The following TTBK2 variants were observed in gnomAD, a reference collection of about 807,000 sequenced individuals.
TTBK2 encodes tau tubulin kinase 2.
A neutral mutation model predicts 110.8 loss-of-function variants in TTBK2; 28 were observed. The ratio of observed to expected loss-of-function variants is 0.25; its 90% CI spans 0.19 to 0.35. The LOEUF (loss-of-function observed/expected upper bound fraction) is 0.35, where lower values mean the gene tolerates loss of function less well. TTBK2 is among the 10% of genes least tolerant of loss of function. TTBK2 has a pLI of 1.00. For missense variants in TTBK2, 1,369 were observed against 1,500.3 expected, an observed-to-expected ratio of 0.91 and a Z score of 1.45; for synonymous variants, 532 against 527.3, an observed-to-expected ratio of 1.01 and a Z score of -0.12.
chr15:42,807,868 T>C (rs1891541493), intron 9 of TTBK2, among the ~76,000 whole-genome samples: 1 of 152,210 alleles, frequency 6.6e-6, no homozygotes, highest in African/African-American at 2.4e-5. Context: ...AAACATTATT[T>C]ATGCACTTAT....
chr15:42,881,434 G>A (rs1033901716), intron 1 of TTBK2, among the ~76,000 whole-genome samples: 7 of 146,020 alleles, frequency 4.8e-5, no homozygotes, highest in Admixed American at 2.1e-4. Flanking sequence ...ATTTACATAC[G>A]AAAGCACAAT....
chr15:42,909,052 G>A (rs1387313008), intron 1 of TTBK2, among the ~76,000 whole-genome samples: 1 of 152,172 alleles, frequency 6.6e-6, no homozygotes, highest in Non-Finnish European at 1.5e-5. Context: ...TAAAGCTCTA[G>A]GGAGAATTTA....
At position 42,742,003 on chromosome 15, in the gene TTBK2, T is replaced by C. The variant is rs529576612; in HGVS notation, c.*3792A>G. The C allele has an allele frequency of 2.0e-5, 3 of 152,322 alleles. No homozygotes were observed. The East Asian group carries it at 5.8e-4, about 29-fold the overall frequency. 9.4% of individuals were successfully genotyped at this position (152,322 alleles called of 1,614,324 possible). A position where few individuals can be genotyped will look rare whatever the true frequency, so the allele number is the denominator to read the frequency against. On this transcript the variant is annotated 3_prime_UTR_variant, in exon 15 of 15. Coordinates refer to ENST00000267890, the MANE Select transcript of TTBK2 (RefSeq NM_173500.4). ...CCAATGTACACTTTCTCCTTGTAGA[T>C]TGAATGCAACTATAGAAGTATTAGC...
At chr15:42,871,115 C>A (rs1894598668) in intron 3 of TTBK2, among the ~76,000 whole-genome samples, 2 of 151,920 alleles carry the variant, frequency 1.3e-5, no homozygotes, top group Admixed American at 1.3e-4. Flanking sequence ...ATGCAGAAGG[C>A]ATAAGTTAGG....
chr15:42,912,725 A>G (rs925690579), intron 1 of TTBK2, among the ~76,000 whole-genome samples: 1 of 152,212 alleles, frequency 6.6e-6, no homozygotes, highest in African/African-American at 2.4e-5. Flanking sequence ...ATCTCAAAAA[A>G]AAAAGTATCT....
At chr15:42,786,718 C>A (rs1264867041) in intron 10 of TTBK2, among the ~76,000 whole-genome samples, 1 of 152,188 alleles carries the variant, frequency 6.6e-6, no homozygotes, top group Non-Finnish European at 1.5e-5. Flanking sequence ...TCCATCTTCT[C>A]CACACAGGCT....
At chr15:42,769,119 A>T (rs1194385593) in intron 13 of TTBK2, among the ~76,000 whole-genome samples, 2 of 152,368 alleles carry the variant, frequency 1.3e-5, no homozygotes, top group Admixed American at 6.5e-5. Context: ...TTCAAGATGG[A>T]TTAAAGACTT....
chr15:42,897,373 G>T (rs1895706340), intron 1 of TTBK2, among the ~76,000 whole-genome samples: 1 of 152,016 alleles, frequency 6.6e-6, no homozygotes, highest in Non-Finnish European at 1.5e-5. Flanking sequence ...TTGAATGAGT[G>T]AACACTTTTT....
intron 9 of TTBK2, chr15:42,798,207 T>C (rs1239297836): frequency 2.2e-6 from 1 of 456,182 alleles, no homozygotes; most frequent in Non-Finnish European, 4.4e-6. Flanking sequence ...TATATCCCAA[T>C]GTCACTGGGG....
At chr15:42,816,547 C>T (rs1255797232) in intron 7 of TTBK2, among the ~76,000 whole-genome samples, 10 of 152,080 alleles carry the variant, frequency 6.6e-5, no homozygotes, top group Admixed American at 3.9e-4. Context: ...ATTACCAATT[C>T]CATTATCATT....
intron 13 of TTBK2, among the ~76,000 whole-genome samples, chr15:42,759,112 T>C (rs1481953557): frequency 6.6e-6 from 1 of 152,234 alleles, no homozygotes; most frequent in Non-Finnish European, 1.5e-5. Context: ...GGCTACAATG[T>C]CATGACCCTG....
At position 42,752,036 on chromosome 15, in the gene TTBK2, C is replaced by T. The variant is rs750352266; in HGVS notation, c.3210G>A (p.Ser1070=). The T allele has an allele frequency of 1.7e-5, 28 of 1,614,048 alleles. No individual in the cohort carries two copies. In the East Asian group the frequency reaches 2.7e-4, roughly 15 times the overall value. The stretch of plus-strand genomic sequence containing the variant: ...GTGGTGGCCGAGGAAAGAACTGAGA[C>T]GAAGTTGAGCTATTGACCTGATCTG... ...VNTDQVNSST[S]SQFFPRPPPG... The change falls in exon 14 of 15, where the codon TCG becomes TCA. Residue 1070 remains serine, a synonymous_variant. Coordinates refer to ENST00000267890, the MANE Select transcript of TTBK2 (RefSeq NM_173500.4).
intron 14 of TTBK2, among the ~76,000 whole-genome samples, chr15:42,751,237 T>G (rs2061861445): frequency 6.6e-6 from 1 of 152,280 alleles, no homozygotes; most frequent in Non-Finnish European, 1.5e-5. Context: ...TATTAGTTTA[T>G]GTGTTTGAAC....
intron 10 of TTBK2, among the ~76,000 whole-genome samples, chr15:42,792,295 T>C (rs994418368): frequency 6.6e-6 from 1 of 152,198 alleles, no homozygotes; most frequent in Non-Finnish European, 1.5e-5. Context: ...AAATATTGCA[T>C]GTATCCCATA....
Position 42,753,116 on chromosome 15 carries a change from G to C in TTBK2, c.2130C>G (p.Asn710Lys), listed in dbSNP as rs1436182051. 2 of 1,597,730 alleles carry C rather than the reference G, an allele frequency of 1.3e-6. No individual in the cohort carries two copies. Among genetic ancestry groups the C allele is most frequent in the East Asian group, 2.2e-5 (1 of 44,776 alleles). The change falls in exon 14 of 15, where the codon AAC becomes AAG. Residue 710 changes from asparagine to lysine, a missense_variant. Asn to Lys is a moderately conservative substitution (Grantham distance 94). Coordinates refer to ENST00000267890, the MANE Select transcript of TTBK2 (RefSeq NM_173500.4). ...PTVELYSPRE[N>K]FSGLVVTEGE... ...CCTCTGTCACAACCAAGCCAGAGAA[G>C]TTTTCCCTTGGAGAGTAAAGTTCCA...
chr15:42,826,299 T>C (rs926849823), intron 6 of TTBK2, among the ~76,000 whole-genome samples: 1 of 152,100 alleles, frequency 6.6e-6, no homozygotes, highest in South Asian at 2.1e-4. Flanking sequence ...AACCAAAACT[T>C]TAAAGAAGGA....
intron 11 of TTBK2, among the ~76,000 whole-genome samples, chr15:42,781,324 G>A (rs564181835): frequency 2.6e-5 from 4 of 151,866 alleles, no homozygotes; most frequent in Non-Finnish European, 4.4e-5. Flanking sequence ...AAATCATTAC[G>A]GAAAAATATT....
intron 7 of TTBK2, among the ~76,000 whole-genome samples, chr15:42,815,956 A>ATATATATATATATATATATAT (rs1256399173): frequency 4.7e-5 from 3 of 63,958 alleles, no homozygotes; most frequent in South Asian, 6.3e-4. Flanking sequence ...ATTTAAAAAA[A>ATATATATATATATATATATAT]AAATATATAT....
intron 3 of TTBK2, among the ~76,000 whole-genome samples, chr15:42,863,353 G>C (rs572486626): frequency 1.3e-5 from 2 of 152,062 alleles, no homozygotes; most frequent in African/African-American, 4.8e-5. Context: ...GAAACACCTA[G>C]GAATACAGCT....
Sources: allele counts gnomAD v4.1 joint callset (sites outside exome capture counted in the v4.1 genomes callset), GRCh38; gene constraint gnomAD v4.1.1; transcripts MANE v1.5; gene names NCBI Gene and HGNC (gene_info 2026-07-23, HGNC 2026-07-21).